ZSCAN31: variants seen among roughly 807,000 people sequenced by gnomAD.
The protein encoded by ZSCAN31 is zinc finger and SCAN domain-containing protein 31.
A neutral mutation model predicts 22.5 loss-of-function variants in ZSCAN31; 14 were observed. That is an observed-to-expected ratio of 0.62 (90% CI 0.41 to 0.97). The LOEUF (loss-of-function observed/expected upper bound fraction) is 0.97. Among genes scored for constraint, ZSCAN31 ranks in the 50% least tolerant of loss-of-function variants. The pLI is 0.00. For missense variants in ZSCAN31, 424 were observed against 483.4 expected, an observed-to-expected ratio of 0.88 and a Z score of 1.15; for synonymous variants, 168 against 169.8, an observed-to-expected ratio of 0.99 and a Z score of 0.08.
chr6:28,326,487 A>G lies in ZSCAN31; in HGVS notation c.900T>C (p.Cys300=). 1 of 1,614,040 alleles carries G rather than the reference A, an allele frequency of 6.2e-7. No individual in the cohort carries two copies. The part of the protein sequence containing the change: ...TGEKPYQCKE[C]GKAFSASNGL... Reference sequence around the variant, plus strand: ...CATTGCTGGCACTGAAGGCTTTCCCACACTCCTTACATTGATAGGGTTTCT... The same window carrying G: ...CATTGCTGGCACTGAAGGCTTTCCCGCACTCCTTACATTGATAGGGTTTCT... The change falls in exon 4 of 4, where the codon TGT becomes TGC. Residue 300 remains cysteine, a synonymous_variant. Coordinates refer to ENST00000344279, the MANE Select transcript of ZSCAN31 (RefSeq NM_030899.5).
Position 28,325,106 on chromosome 6 carries a change from T to C in ZSCAN31, c.*1060A>G, listed in dbSNP as rs1474146252. 1 of 152,204 alleles carries C rather than the reference T, an allele frequency of 6.6e-6. No homozygotes were observed. Among genetic ancestry groups the C allele is most frequent in the Non-Finnish European group, 1.5e-5 (1 of 68,042 alleles). 9.4% of individuals were successfully genotyped at this position (152,204 alleles called of 1,614,324 possible). On this transcript the variant is annotated 3_prime_UTR_variant, in exon 4 of 4. Transcript: ENST00000344279. The stretch of plus-strand genomic sequence containing the variant: ...CAAATGGGGAGGAAAGATTTGAACT[T>C]GGTGCCAGAGCATATGTTTAACCCT...
chr6:28,355,878 G>A (rs1765387418), upstream of ZSCAN31, among the ~76,000 whole-genome samples: 1 of 152,200 alleles, frequency 6.6e-6, no homozygotes, highest in Admixed American at 6.5e-5. Context: ...TCCCAGTTCT[G>A]TTGTCAAGTG....
At chr6:28,330,234 A>T (rs1763637114) in intron 1 of ZSCAN31, among the ~76,000 whole-genome samples, 1 of 152,196 alleles carries the variant, frequency 6.6e-6, no homozygotes, top group Non-Finnish European at 1.5e-5. Flanking sequence ...ACAGCCAGCT[A>T]ACTGCCAGAC....
chr6:28,327,404 G>A lies in ZSCAN31; in HGVS notation c.511C>T (p.Leu171Phe). The A allele has an allele frequency of 6.2e-7, 1 of 1,614,062 alleles. No individual in the cohort carries two copies. The highest frequency in any genetic ancestry group is 8.5e-7 in the Non-Finnish European group (1 of 1,180,002). The change falls in exon 3 of 4, where the codon CTC becomes TTC. Residue 171 changes from leucine to phenylalanine, a missense_variant. Coordinates refer to ENST00000344279, the MANE Select transcript of ZSCAN31 (RefSeq NM_030899.5). ...TTACCTTGTTCTTGAAATTGGTGGAGGCAAAAAGATTCATATCTGAGCTGT... is the reference window on the plus strand; with the variant it reads ...TTACCTTGTTCTTGAAATTGGTGGAAGCAAAAAGATTCATATCTGAGCTGT... ...VTQLRYESFC[L>F]HQFQEQDGES...
Position 28,325,898 on chromosome 6 carries a change from A to C in ZSCAN31, c.*268T>G. ...TAAGAAATGGACCAAAGGCTAGGGA[A>C]TAAGAAGGCCACCCAGCAACCCCCT... On this transcript the variant is annotated 3_prime_UTR_variant, in exon 4 of 4. Transcript: ENST00000344279. The C allele has an allele frequency of 6.5e-6, 2 of 309,706 alleles. No homozygotes were observed. The highest frequency in any genetic ancestry group is 5.4e-5 in the East Asian group (1 of 18,388). 19.2% of individuals were successfully genotyped at this position (309,706 alleles called of 1,614,324 possible). A position where few individuals can be genotyped will look rare whatever the true frequency, so the allele number is the denominator to read the frequency against.
intron 2 of ZSCAN31, chr6:28,350,386 A>T (rs1048648127): frequency 3.9e-5 from 6 of 152,306 alleles, no homozygotes; most frequent in African/African-American, 1.4e-4. Context: ...GCCTGGTAAC[A>T]AGGTCAGTTT....
At position 28,351,130 on chromosome 6, in the gene ZSCAN31, T is replaced by G. The variant is rs1764983398; in HGVS notation, c.-371+2732A>C. Reference sequence around the variant, plus strand: ...TTTTCTGTTAATGAGAAACTTTCCTTTCCTTATCTTCAGTATATTTACTGA... The same window carrying G: ...TTTTCTGTTAATGAGAAACTTTCCTGTCCTTATCTTCAGTATATTTACTGA... On this transcript the variant is annotated intron_variant, in intron 2 of 7. Coordinates refer to the ZSCAN31 transcript ENST00000396838. The surrounding 1 kb of genome is among the most constrained non-coding windows in gnomAD (Gnocchi z 4.6). Among the ~76,000 whole-genome samples the G allele has an allele frequency of 6.6e-6, 1 of 152,280 alleles. No individual in the cohort carries two copies. Among genetic ancestry groups the G allele is most frequent in the Admixed American group, 6.5e-5 (1 of 15,274 alleles).
intron 2 of ZSCAN31, among the ~76,000 whole-genome samples, chr6:28,352,486 C>G (rs767329233): frequency 5.9e-5 from 9 of 152,090 alleles, no homozygotes; most frequent in Non-Finnish European, 1.2e-4. Flanking sequence ...CTCCTGACCC[C>G]AGGAAATCTG....
At position 28,327,533 on chromosome 6, in the gene ZSCAN31, C is replaced by G. The variant is rs6922302; in HGVS notation, c.382G>C (p.Ala128Pro). The change falls in exon 3 of 4, where the codon GCT becomes CCT. Residue 128 changes from alanine to proline, a missense_variant and splice_region_variant. Physicochemically the swap from Ala to Pro is conservative, Grantham distance 27. Transcript: ENST00000344279. ...EQELSEPGNQ[A>P]PDHEHGHSEV... ...GAATGTCCATGTTCATGGTCTGGAG[C>G]CTGAAGGCAGGTAGGCATATTTGGT... 19,611 of 1,612,102 alleles carry G rather than the reference C, an allele frequency of 0.012. 705 individuals carry two copies. Among genetic ancestry groups the G allele is most frequent in the African/African-American group, 0.11 (8,010 of 74,914 alleles).
chr6:28,332,161 TA>T (rs1255751365), intron 1 of ZSCAN31: 1 of 152,148 alleles, frequency 6.6e-6, no homozygotes, highest in African/African-American at 2.4e-5. Flanking sequence ...CCAGGATGTA[TA>T]TGCATTACCC....
chr6:28,338,931 A>G (rs1459959818), upstream of ZSCAN31, among the ~76,000 whole-genome samples: 2 of 152,188 alleles, frequency 1.3e-5, no homozygotes, highest in Non-Finnish European at 2.9e-5. Context: ...AGGACATTCA[A>G]ATTTTTTTAT....
chr6:28,352,958 CTTTTT>C (rs373357601), intron 2 of ZSCAN31, among the ~76,000 whole-genome samples: 43 of 138,474 alleles, frequency 3.1e-4, no homozygotes, highest in African/African-American at 1.2e-3. Context: ...CTTTTCTTTT[CTTTTT>C]CTTTTTTTTT....
intron 2 of ZSCAN31, among the ~76,000 whole-genome samples, chr6:28,353,106 C>T (rs1217936759): frequency 6.6e-6 from 1 of 151,852 alleles, no homozygotes; most frequent in African/African-American, 2.4e-5. Context: ...GTAGCTGAGA[C>T]TATAGGCGCA....
rs1275661074 is a variant in ZSCAN31, at chr6:28,347,504, A to G, written c.-370-5712T>C. On this transcript the variant is annotated intron_variant, in intron 2 of 7. Transcript: ENST00000396838. The surrounding 1 kb of genome is among the most constrained non-coding windows in gnomAD (Gnocchi z 5.2). The stretch of plus-strand genomic sequence containing the variant: ...CTTCCTCTCCTTCCCCTTTTTAAAA[A>G]TCGCAGTGCTTATCAACTTCCATTC... 6.6e-6 allele frequency among the ~76,000 whole-genome samples: 1 copy of G among 152,176 alleles called. No homozygotes were observed. Among genetic ancestry groups the G allele is most frequent in the Non-Finnish European group, 1.5e-5 (1 of 68,038 alleles).
At position 28,331,046 on chromosome 6, in the gene ZSCAN31, G is replaced by A. The variant is rs1018299720; in HGVS notation, c.-95-1268C>T. Among the ~76,000 whole-genome samples the A allele has an allele frequency of 6.6e-6, 1 of 152,168 alleles. No homozygotes were observed. The highest frequency in any genetic ancestry group is 1.5e-5 in the Non-Finnish European group (1 of 68,026). ...TGGGTTGTGGGTAAAATTGTGAGAG[G>A]AGATGAGGTTAGAAAGATGCATTAT... On this transcript the variant is annotated intron_variant, in intron 1 of 3. Transcript: ENST00000344279. The surrounding 1 kb of genome is among the most constrained non-coding windows in gnomAD (Gnocchi z 4.8).
At chr6:28,345,335 AC>A (rs1294422546) in intron 2 of ZSCAN31, among the ~76,000 whole-genome samples, 23 of 152,034 alleles carry the variant, frequency 1.5e-4, no homozygotes, top group Non-Finnish European at 2.6e-4. Context: ...AGACAGAATG[AC>A]CTTGCTGGTT....
Position 28,327,467 on chromosome 6 carries a change from G to C in ZSCAN31, c.448C>G (p.Gln150Glu), listed in dbSNP as rs765053284. The change falls in exon 3 of 4, where the codon CAG (glutamine) becomes GAG (glutamate). Residue 150 changes from glutamine to glutamate, a missense_variant. Gln to Glu is a conservative substitution (Grantham distance 29, BLOSUM62 2). Transcript: ENST00000344279. ...TGAAGCTGTATGTCTGTTGGTTCCT[G>C]CTTGACCTTCAGATGTTCCACATCC... ...LEDVEHLKVK[Q>E]EPTDIQLQPM... 3.7e-6 allele frequency: 6 copies of C among 1,613,860 alleles called. No individual in the cohort carries two copies. In the Admixed American group the frequency reaches 1.0e-4, roughly 27 times the overall value.
At chr6:28,356,046 C>A (rs776587257), upstream of ZSCAN31, 29 of 152,416 alleles carry the variant, frequency 1.9e-4, no homozygotes, top group Non-Finnish European at 3.4e-4. Context: ...TTTCACTGAC[C>A]AGCTTTCATA....
At chr6:28,335,772 T>G (rs771077958) in intron 1 of ZSCAN31, 30 of 152,406 alleles carry the variant, frequency 2.0e-4, no homozygotes, top group Non-Finnish European at 3.7e-4. Context: ...TCGGGACCCC[T>G]TCTCTGCTGG....
Sources: gnomAD v4.1 joint callset for allele counts (sites outside exome capture counted in the v4.1 genomes callset) on GRCh38, gnomAD v4.1.1 for gene constraint, Gnocchi (gnomAD v3.1) non-coding constraint, MANE v1.5 for transcripts, NCBI Gene and HGNC (gene_info 2026-07-23, HGNC 2026-07-21) for gene names.